Variants in CACNB4 observed in about 807,000 individuals in gnomAD.
CACNB4 encodes calcium voltage-gated channel auxiliary subunit beta 4.
Under a neutral mutation model 71.2 loss-of-function variants are expected in CACNB4, and 32 were observed. The observed-to-expected ratio is 0.45, with a 90% CI of 0.34 to 0.60. CACNB4 has a LOEUF of 0.60. CACNB4 is among the 20% of genes least tolerant of loss of function. The pLI, the probability that CACNB4 is intolerant of heterozygous loss-of-function variation, is 0.01. For synonymous variants in CACNB4, 231 were observed against 236.9 expected (o/e 0.97, Z 0.23); for missense variants, 464 against 647.9 (o/e 0.72, Z 3.08).
At chr2:151,948,647 T>G (rs1203450859) in intron 2 of CACNB4, among the ~76,000 whole-genome samples, 1 of 148,312 alleles carries the variant, frequency 6.7e-6, no homozygotes, top group African/African-American at 2.5e-5. Context: ...GGCAACAGAG[T>G]GAGATCCTGT....
chr2:152,014,725 T>C (rs1195177764), intron 2 of CACNB4, among the ~76,000 whole-genome samples: 1 of 140,510 alleles, frequency 7.1e-6, no homozygotes, highest in Non-Finnish European at 1.5e-5. Flanking sequence ...AGCGCAACTC[T>C]GTCTCAAAAA....
intron 2 of CACNB4, among the ~76,000 whole-genome samples, chr2:152,082,645 G>A (rs185456293): frequency 2.4e-4 from 37 of 152,238 alleles, no homozygotes; most frequent in African/African-American, 8.7e-4. Flanking sequence ...TCTCACCCCC[G>A]TTTTGCAACA....
At chr2:151,915,503 G>C (rs1315721698) in intron 2 of CACNB4, among the ~76,000 whole-genome samples, 1 of 152,202 alleles carries the variant, frequency 6.6e-6, no homozygotes, top group African/African-American at 2.4e-5. Context: ...CCCCTCCCCT[G>C]CGGGGGTTCT....
At chr2:152,008,186 T>TG (rs1163670397) in intron 2 of CACNB4, among the ~76,000 whole-genome samples, 1 of 152,124 alleles carries the variant, frequency 6.6e-6, no homozygotes, top group Non-Finnish European at 1.5e-5. Context: ...TTCTAACACT[T>TG]GTTCTTTTTT....
At chr2:151,912,737 G>C (rs764146536) in intron 2 of CACNB4, among the ~76,000 whole-genome samples, 3 of 151,602 alleles carry the variant, frequency 2.0e-5, no homozygotes, top group Non-Finnish European at 4.4e-5. Context: ...TTTCTGTCTC[G>C]TTGATCTGTC....
chr2:152,026,430 G>A (rs112109881), intron 2 of CACNB4, among the ~76,000 whole-genome samples: 7,263 of 151,644 alleles, frequency 0.048, 567 homozygotes, highest in African/African-American at 0.17. Flanking sequence ...TGTCACCCAG[G>A]CTGGAGTGCA....
chr2:152,035,624 C>CTCTCT (rs1684529446), intron 2 of CACNB4, among the ~76,000 whole-genome samples: 8 of 31,282 alleles, frequency 2.6e-4, no homozygotes, highest in Admixed American at 8.4e-4. Context: ...TCTCTCCCTC[C>CTCTCT]CTCTCCCTCT....
intron 10 of CACNB4, chr2:151,860,321 T>A (rs1165292633): frequency 4.5e-6 from 1 of 223,846 alleles, no homozygotes; most frequent in Non-Finnish European, 8.7e-6. Flanking sequence ...ATCTAGCTTT[T>A]CTTCTAAAGA....
At chr2:151,891,049 G>T (rs768596776) in intron 2 of CACNB4, among the ~76,000 whole-genome samples, 8 of 151,984 alleles carry the variant, frequency 5.3e-5, no homozygotes, top group Non-Finnish European at 1.0e-4. Flanking sequence ...TAAAGCACAG[G>T]CTTTGAATAA....
At position 151,860,619 on chromosome 2, in the gene CACNB4, G is replaced by T; in HGVS notation, c.868+92C>A. The stretch of plus-strand genomic sequence containing the variant: ...CTCAGTGCTCCCCCGTTCAGAATGG[G>T]GAACAAATTGAAAAAGACATTCACA... On this transcript the variant is annotated intron_variant, in intron 10 of 13. Transcript: ENST00000539935. The T allele has an allele frequency of 2.1e-5, 18 of 875,802 alleles. No individual in the cohort carries two copies. The South Asian group carries it at 2.3e-4, about 11-fold the overall frequency. 54.3% of individuals were successfully genotyped at this position (875,802 alleles called of 1,614,324 possible).
At chr2:151,993,274 T>C (rs1220799175) in intron 2 of CACNB4, among the ~76,000 whole-genome samples, 1 of 152,116 alleles carries the variant, frequency 6.6e-6, no homozygotes, top group Non-Finnish European at 1.5e-5. Context: ...GACAAAGTAA[T>C]TTGTAGATAC....
At chr2:152,084,562 G>A (rs1687540590) in intron 2 of CACNB4, among the ~76,000 whole-genome samples, 1 of 152,118 alleles carries the variant, frequency 6.6e-6, no homozygotes, top group Admixed American at 6.6e-5. Context: ...AGCAATATAT[G>A]GACTATTAAT....
intron 2 of CACNB4, among the ~76,000 whole-genome samples, chr2:151,947,396 C>T (rs2151650560): frequency 6.6e-6 from 1 of 152,302 alleles, no homozygotes; most frequent in Middle Eastern, 3.4e-3. Flanking sequence ...CTAGCGGATT[C>T]TGAGTGGAGT....
rs376501145 is a variant in CACNB4 at position 151,862,350 on chromosome 2, T to G, written c.759-1530A>C. Among the ~76,000 whole-genome samples, 4 of 152,376 alleles carry G rather than the reference T, an allele frequency of 2.6e-5. No individual in the cohort carries two copies. The East Asian group carries it at 7.7e-4, about 29-fold the overall frequency. ...GAAATCATTCTTTAAAACAACAGTC[T>G]GTGCAAAAGTTCTGGTGCCATTTTA... On this transcript the variant is annotated intron_variant, in intron 9 of 13. Coordinates refer to ENST00000539935, the MANE Select transcript of CACNB4 (RefSeq NM_000726.5).
intron 2 of CACNB4, among the ~76,000 whole-genome samples, chr2:151,885,271 G>T (rs2099849075): frequency 6.6e-6 from 1 of 152,186 alleles, no homozygotes. Context: ...CTACTTCACA[G>T]GATTAAATGG....
At chr2:152,099,159 T>C (rs1403773954), upstream of CACNB4, 1 of 525,086 alleles carries the variant, frequency 1.9e-6, no homozygotes, top group Non-Finnish European at 3.3e-6. Context: ...TGCCCGCACT[T>C]CGGAGAGCGC....
chr2:152,015,219 G>A (rs981800444), intron 2 of CACNB4, among the ~76,000 whole-genome samples: 3 of 151,834 alleles, frequency 2.0e-5, no homozygotes, highest in Non-Finnish European at 2.9e-5. Context: ...CGCAACCTCC[G>A]CCTCCAGGGT....
chr2:151,880,717 C>T lies in CACNB4; in HGVS notation c.390+83G>A, dbSNP rs145314418. ...ACTGCACTGGCAGCTCCTTGGGTCT[C>T]CTCTCTGGCTAGTTTGGCTCAGAGC... On this transcript the variant is annotated intron_variant, in intron 4 of 13. Transcript: ENST00000539935. 3.3e-4 allele frequency: 485 copies of T among 1,475,192 alleles called. 2 individuals carry two copies. In the African/African-American group the frequency reaches 6.0e-3, roughly 18 times the overall value. 91.4% of individuals were successfully genotyped at this position (1,475,192 alleles called of 1,614,324 possible).
chr2:152,017,835 A>ATTCTT (rs989067063), intron 2 of CACNB4, among the ~76,000 whole-genome samples: 3 of 151,680 alleles, frequency 2.0e-5, no homozygotes, highest in Admixed American at 1.3e-4. Flanking sequence ...TTTACACACA[A>ATTCTT]TTCTTTTCTT....
Sources: allele counts gnomAD v4.1 joint callset (sites outside exome capture counted in the v4.1 genomes callset), GRCh38; gene constraint gnomAD v4.1.1; transcripts MANE v1.5; gene names NCBI Gene and HGNC (gene_info 2026-07-23, HGNC 2026-07-21).